The following CUBN variants were observed in gnomAD, a reference collection of about 807,000 sequenced individuals.
CUBN encodes the protein cubilin.
Under a neutral mutation model 405.3 loss-of-function variants are expected in CUBN, and 282 were observed. The observed-to-expected ratio is 0.70, with a 90% confidence interval of 0.63 to 0.77. The LOEUF is 0.77. Ranked by LOEUF, CUBN falls within the 30% of genes least tolerant of loss-of-function variation. The pLI, the probability that CUBN is intolerant of heterozygous loss-of-function variation, is 0.00. For synonymous variants in CUBN, 1,684 were observed against 1,617.0 expected, an observed-to-expected ratio of 1.04 and a Z score of -0.99; for missense variants, 4,514 against 4,475.2, an observed-to-expected ratio of 1.01 and a Z score of -0.25.
At chr10:17,085,129 C>G (rs1836076773) in intron 16 of CUBN, among the ~76,000 whole-genome samples, 1 of 152,138 alleles carries the variant, frequency 6.6e-6, no homozygotes, top group Non-Finnish European at 1.5e-5. Context: ...TTTAAGGTAT[C>G]AAAGCAACTG....
chr10:16,939,828 T>C (rs1487304610), intron 37 of CUBN, among the ~76,000 whole-genome samples: 1 of 152,186 alleles, frequency 6.6e-6, no homozygotes, highest in Non-Finnish European at 1.5e-5. Flanking sequence ...AATAGAACCA[T>C]TGAGAGTGCT....
At chr10:16,843,286 A>C (rs1205804829) in intron 60 of CUBN, among the ~76,000 whole-genome samples, 1 of 152,228 alleles carries the variant, frequency 6.6e-6, no homozygotes, top group Non-Finnish European at 1.5e-5. Flanking sequence ...TTGTACTTCT[A>C]AAATGAGTGT....
At chr10:16,854,113 A>T (rs1007930757) in intron 59 of CUBN, among the ~76,000 whole-genome samples, 28 of 152,312 alleles carry the variant, frequency 1.8e-4, no homozygotes, top group African/African-American at 6.7e-4. Flanking sequence ...TGTTCCAAGG[A>T]GGAGGTGATT....
intron 48 of CUBN, among the ~76,000 whole-genome samples, chr10:16,909,988 T>C (rs1564418335): frequency 6.6e-6 from 1 of 152,228 alleles, no homozygotes; most frequent in African/African-American, 2.4e-5. Flanking sequence ...AGCAGTGCAA[T>C]GAAAGTTAAA....
chr10:17,000,763 G>A (rs1231620131), intron 28 of CUBN, among the ~76,000 whole-genome samples: 1 of 152,194 alleles, frequency 6.6e-6, no homozygotes, highest in Non-Finnish European at 1.5e-5. Context: ...TAGTGGATGT[G>A]TAAGTTTGGA....
intron 40 of CUBN, among the ~76,000 whole-genome samples, chr10:16,928,532 C>CCCCCCCTTTT (rs1403918589): frequency 9.3e-6 from 1 of 107,122 alleles, no homozygotes; most frequent in Non-Finnish European, 1.9e-5. Context: ...CCACCCCCCC[C>CCCCCCCTTTT]TTTTTTTTTT....
At chr10:16,872,357 T>TATAG (rs1554785659) in intron 58 of CUBN, among the ~76,000 whole-genome samples, 1 of 151,272 alleles carries the variant, frequency 6.6e-6, no homozygotes, top group East Asian at 1.9e-4. Flanking sequence ...TACATATATA[T>TATAG]ATAGATAGAT....
chr10:17,113,909 A>C, intron 8 of CUBN, 118 bp downstream of exon 8: 1 of 1,008,932 alleles, frequency 9.9e-7, no homozygotes, highest in South Asian at 1.4e-5. Flanking sequence ...AGGACACAAA[A>C]CTGGATTTGA....
At chr10:17,061,470 T>C (rs969250273) in intron 22 of CUBN, among the ~76,000 whole-genome samples, 23 of 152,190 alleles carry the variant, frequency 1.5e-4, no homozygotes, top group Admixed American at 1.2e-3. Context: ...ACTCCCAAAC[T>C]GAAGTTTTAA....
In CUBN at chr10:16,840,463, T is replaced by A. The variant is rs757426720; in HGVS notation, c.9899A>T (p.Asp3300Val). 1 of 1,613,918 alleles carries A rather than the reference T, an allele frequency of 6.2e-7. No homozygotes were observed. Among genetic ancestry groups the A allele is most frequent in the Non-Finnish European group, 8.5e-7 (1 of 1,179,976 alleles). Residue 3300 changes from aspartate to valine, a missense_variant, in exon 62 of 67, where the codon GAT (aspartate) becomes GTT (valine). Asp to Val is a radical substitution (Grantham distance 152, BLOSUM62 -3). Around this residue, in one of 5 missense-constraint regions of CUBN, gnomAD observed 1,186 missense variants for 1,186.9 expected, o/e 1.00. Transcript: ENST00000377833. ...CCAAGTACAGATGGAAAATGGGACA[T>A]CTGGGTCTGATGAATTGGGTGATGA... ...NISSPNSSDP[D>V]VPFSICTWVI...
chr10:17,093,271 G>A (rs1836303430), intron 14 of CUBN, among the ~76,000 whole-genome samples: 1 of 152,116 alleles, frequency 6.6e-6, no homozygotes, highest in Non-Finnish European at 1.5e-5. Context: ...GAAGACAGCA[G>A]GTCTAACTAA....
At chr10:16,998,758 G>A (rs911615076) in intron 28 of CUBN, among the ~76,000 whole-genome samples, 2 of 152,154 alleles carry the variant, frequency 1.3e-5, no homozygotes, top group African/African-American at 4.8e-5. Context: ...GAGGATGGTT[G>A]GTCAAGGGTA....
chr10:16,937,768 C>T lies in CUBN; in HGVS notation c.5750G>A (p.Ser1917Asn). The T allele has an allele frequency of 1.2e-6, 2 of 1,613,930 alleles. No homozygotes were observed. Among genetic ancestry groups the T allele is most frequent in the Non-Finnish European group, 1.7e-6 (2 of 1,179,890 alleles). Reference protein sequence around the residue: ...YDKLRIYDGPSIHARLIGAYC... With the variant: ...YDKLRIYDGPNIHARLIGAYC... ...AGCTCCAATTAGGCGGGCGTGAATG[C>T]TAGGCCCATCATAGATCTGTACATA... Residue 1917 changes from serine to asparagine, a missense_variant, in exon 39 of 67, where the codon AGC (serine) becomes AAC (asparagine). This residue lies in a region of CUBN where 1,613 missense variants were observed against 1,542.8 expected (regional missense o/e 1.05). Coordinates refer to ENST00000377833, the MANE Select transcript of CUBN (RefSeq NM_001081.4).
At chr10:16,985,232 G>A (rs750698251) in intron 29 of CUBN, among the ~76,000 whole-genome samples, 7 of 152,326 alleles carry the variant, frequency 4.6e-5, no homozygotes, top group East Asian at 3.9e-4. Context: ...CAGGCTCCAC[G>A]AGCAGATGGG....
chr10:17,014,943 C>T (rs1320204283), intron 28 of CUBN, among the ~76,000 whole-genome samples: 2 of 152,156 alleles, frequency 1.3e-5, no homozygotes, highest in Non-Finnish European at 2.9e-5. Flanking sequence ...TCCAGAACAG[C>T]AAACCAATCT....
chr10:17,089,946 C>T (rs1588635449), intron 14 of CUBN, among the ~76,000 whole-genome samples: 1 of 151,684 alleles, frequency 6.6e-6, no homozygotes, highest in East Asian at 1.9e-4. Context: ...GCCATCGCTA[C>T]AAAAAATAAA....
chr10:17,044,002 A>G lies in CUBN; in HGVS notation c.3673-19T>C. ...CATATACCTTTAAGAAAATATTTTG[A>G]ATGTTAGATGGTTGAGACTATAAAC... On this transcript the variant is annotated intron_variant, in intron 25 of 66. Coordinates refer to ENST00000377833, the MANE Select transcript of CUBN (RefSeq NM_001081.4). The G allele has an allele frequency of 6.2e-7, 1 of 1,606,798 alleles. No homozygotes were observed. Among genetic ancestry groups the G allele is most frequent in the Non-Finnish European group, 8.5e-7 (1 of 1,174,764 alleles).
At chr10:16,925,542 T>C in intron 42 of CUBN, 42 bp downstream of exon 42, 3 of 1,612,448 alleles carry the variant, frequency 1.9e-6, no homozygotes, top group Non-Finnish European at 2.5e-6. Flanking sequence ...CTGAATGAAG[T>C]CTATGGAAAA....
chr10:17,047,620 AC>A lies in CUBN; in HGVS notation c.3140-18del. On this transcript the variant is annotated intron_variant, in intron 22 of 66. Coordinates refer to ENST00000377833, the MANE Select transcript of CUBN (RefSeq NM_001081.4). ...GCAAACATGCTGTGAACAGAAACAG[AC>A]CATAAGAGAGAAAATAGAAAATATT... is the stretch of plus-strand genomic sequence containing the variant. 6.2e-7 allele frequency: 1 copy of A among 1,606,904 alleles called. No homozygotes were observed. Among genetic ancestry groups the A allele is most frequent in the Non-Finnish European group, 8.5e-7 (1 of 1,173,480 alleles).
Sources: gnomAD v4.1 joint callset for allele counts (sites outside exome capture counted in the v4.1 genomes callset) on GRCh38, gnomAD v4.1.1 for gene constraint, gnomAD v4.1.1 regional missense constraint, MANE v1.5 for transcripts, NCBI Gene and HGNC (gene_info 2026-07-23, HGNC 2026-07-21) for gene names.